ZNG1B: variants seen among roughly 807,000 people sequenced by gnomAD.
ZNG1B encodes the protein zinc-regulated GTPase metalloprotein activator 1B.
the ZNG1B span, among the ~76,000 whole-genome samples, chr2:113,483,877 G>A: frequency 1.3e-5 from 2 of 152,244 alleles, no homozygotes; most frequent in Non-Finnish European, 2.9e-5. Context: ...ACTAAATAGG[G>A]CATATCTATA....
the ZNG1B span, among the ~76,000 whole-genome samples, chr2:113,466,996 G>A: frequency 6.1e-5 from 9 of 147,784 alleles, no homozygotes; most frequent in Non-Finnish European, 9.0e-5. Flanking sequence ...CCCGGGAGGC[G>A]GAGCTTGCAG....
chr2:113,442,579 C>T, the ZNG1B span, among the ~76,000 whole-genome samples: 2 of 152,094 alleles, frequency 1.3e-5, no homozygotes, highest in African/African-American at 4.8e-5. Context: ...TATTAAATAA[C>T]CTATTGCACA....
chr2:113,471,345 A>G, the ZNG1B span, among the ~76,000 whole-genome samples: 1 of 152,230 alleles, frequency 6.6e-6, no homozygotes, highest in African/African-American at 2.4e-5. Context: ...TTCTACACCA[A>G]ACACTATATC....
chr2:113,495,256 C>T, the ZNG1B span: 5 of 1,514,118 alleles, frequency 3.3e-6, no homozygotes, highest in Non-Finnish European at 4.4e-6. Context: ...CTTGGTAAGT[C>T]TGAAAGGATT....
At chr2:113,460,666 T>C in the ZNG1B span, 1 of 1,594,150 alleles carries the variant, frequency 6.3e-7, no homozygotes, top group South Asian at 1.1e-5. Context: ...AACTTTTTTT[T>C]GTTTAGCATT....
the ZNG1B span, among the ~76,000 whole-genome samples, chr2:113,446,591 T>A: frequency 2.7e-5 from 4 of 150,246 alleles, no homozygotes; most frequent in Non-Finnish European, 5.9e-5. Flanking sequence ...TACTGAAAAT[T>A]CAAAAACTAG....
the ZNG1B span, among the ~76,000 whole-genome samples, chr2:113,486,016 GA>G: frequency 1.9e-4 from 26 of 137,210 alleles, no homozygotes; most frequent in African/African-American, 6.2e-4. Flanking sequence ...ACAAAAACTG[GA>G]AAAAAAAAGT....
chr2:113,470,003 T>C, the ZNG1B span: 1 of 149,840 alleles, frequency 6.7e-6, no homozygotes, highest in South Asian at 2.1e-4. Flanking sequence ...TTTTTTTTTT[T>C]TTTCTTTTGA....
At chr2:113,455,651 C>A in the ZNG1B span, 1 of 1,286,648 alleles carries the variant, frequency 7.8e-7, no homozygotes, top group Non-Finnish European at 1.0e-6. Flanking sequence ...GCAGTAATTT[C>A]TTAGAAGTTT....
chr2:113,466,822 T>C, the ZNG1B span: 1 of 940,898 alleles, frequency 1.1e-6, no homozygotes, highest in Non-Finnish European at 1.3e-6. Flanking sequence ...CCCAGCACTT[T>C]GGGAGGCCAA....
chr2:113,442,548 C>G, the ZNG1B span, among the ~76,000 whole-genome samples: 3 of 152,020 alleles, frequency 2.0e-5, no homozygotes, highest in African/African-American at 7.2e-5. Context: ...TTTCTAATAA[C>G]AGACTGTTTT....
the ZNG1B span, among the ~76,000 whole-genome samples, chr2:113,489,508 C>T: frequency 2.6e-5 from 4 of 151,806 alleles, no homozygotes; most frequent in African/African-American, 9.7e-5. Context: ...AGAGTGGTAC[C>T]TCACATCTCA....
chr2:113,483,754 T>C, the ZNG1B span, among the ~76,000 whole-genome samples: 1 of 151,948 alleles, frequency 6.6e-6, no homozygotes, highest in African/African-American at 2.4e-5. Context: ...AAATGTATTT[T>C]AATAGGAAAT....
At chr2:113,476,460 T>C in the ZNG1B span, among the ~76,000 whole-genome samples, 1 of 150,182 alleles carries the variant, frequency 6.7e-6, no homozygotes, top group Admixed American at 6.6e-5. Context: ...TCGGAGTAGT[T>C]TGATCGTCTG....
chr2:113,460,799 T>C, the ZNG1B span: 10 of 1,558,824 alleles, frequency 6.4e-6, no homozygotes, highest in Non-Finnish European at 8.6e-6. Context: ...AAAAACAAAC[T>C]AAGAAATTTT....
chr2:113,450,316 T>TA, the ZNG1B span, among the ~76,000 whole-genome samples: 1 of 143,436 alleles, frequency 7.0e-6, no homozygotes, highest in African/African-American at 2.6e-5. Context: ...GTATGTATTC[T>TA]AATTGCTTTG....
chr2:113,462,549 T>A, the ZNG1B span: 1 of 1,561,270 alleles, frequency 6.4e-7, no homozygotes, highest in South Asian at 1.1e-5. Flanking sequence ...ATACACAGAA[T>A]ATTTTTTACT....
chr2:113,461,619 G>A, the ZNG1B span, among the ~76,000 whole-genome samples: 18 of 151,526 alleles, frequency 1.2e-4, no homozygotes, highest in Non-Finnish European at 2.4e-4. Context: ...TTACTATCCT[G>A]TTAATAGAAA....
chr2:113,487,863 A>C, the ZNG1B span, among the ~76,000 whole-genome samples: 1 of 151,590 alleles, frequency 6.6e-6, no homozygotes, highest in Middle Eastern at 3.4e-3. Flanking sequence ...TTCAATTTGA[A>C]CCTTTTTTTA....
Sources: gnomAD v4.1 joint callset for allele counts (sites outside exome capture counted in the v4.1 genomes callset) on GRCh38, gnomAD v4.1.1 for gene constraint, MANE v1.5 for transcripts, NCBI Gene and HGNC (gene_info 2026-07-23, HGNC 2026-07-21) for gene names.